Variants in MMP24 observed in about 807,000 individuals in gnomAD.
The protein encoded by MMP24 is matrix metalloproteinase-24.
Under a neutral mutation model 62.8 loss-of-function variants are expected in MMP24, and 25 were observed. The observed-to-expected ratio is 0.40, with a 90% CI of 0.29 to 0.56. The LOEUF (loss-of-function observed/expected upper bound fraction) is 0.56. Ranked by LOEUF, MMP24 falls within the 20% of genes least tolerant of loss-of-function variation. The probability of loss-of-function intolerance (pLI) is 0.50; values close to 1 mark genes in which losing one functional copy is unlikely to be tolerated. For missense variants in MMP24, 634 were observed against 853.6 expected, an observed-to-expected ratio of 0.74 and a Z score of 3.21; for synonymous variants, 319 against 350.5, an observed-to-expected ratio of 0.91 and a Z score of 1.00.
Position 35,274,490 on chromosome 20 carries a change from A to G in MMP24, c.1819A>G (p.Ile607Val), listed in dbSNP as rs763248925. ...PGSVNAVAVV[I>V]PCILSLCILV... is the part of the protein sequence containing the mutation. Reference sequence around the variant, plus strand: ...CTCCGTGAACGCCGTGGCCGTGGTCATCCCCTGCATCCTGTCCCTCTGCAT... The same window carrying G: ...CTCCGTGAACGCCGTGGCCGTGGTCGTCCCCTGCATCCTGTCCCTCTGCAT... The change falls in exon 9 of 9, where the codon ATC becomes GTC. Residue 607 changes from isoleucine to valine, a missense_variant. Ile to Val is a conservative substitution (Grantham distance 29). Around this residue, in one of 3 missense-constraint regions of MMP24, gnomAD observed 399 missense variants for 530.8 expected, o/e 0.75. Coordinates refer to ENST00000246186, the MANE Select transcript of MMP24 (RefSeq NM_006690.4). The surrounding 1 kb of genome is among the most constrained non-coding windows in gnomAD (Gnocchi z 5.1). 6 of 1,614,028 alleles carry G rather than the reference A, an allele frequency of 3.7e-6. No individual in the cohort carries two copies. The highest frequency in any genetic ancestry group is 4.2e-6 in the Non-Finnish European group (5 of 1,179,878).
intron 4 of MMP24, among the ~76,000 whole-genome samples, chr20:35,259,344 T>G (rs1478708752): frequency 6.6e-6 from 1 of 152,198 alleles, no homozygotes; most frequent in Non-Finnish European, 1.5e-5. Context: ...ACGGTGCTTT[T>G]GGCGCTGTTC....
At chr20:35,227,284 A>G (rs1568606881) in intron 1 of MMP24, among the ~76,000 whole-genome samples, 4 of 151,276 alleles carry the variant, frequency 2.6e-5, no homozygotes, top group Admixed American at 1.3e-4. Flanking sequence ...CTGCATGACT[A>G]TGTGCGAGGG....
intron 4 of MMP24, among the ~76,000 whole-genome samples, chr20:35,259,960 T>A (rs1260510977): frequency 6.6e-6 from 1 of 152,188 alleles, no homozygotes; most frequent in East Asian, 1.9e-4. Context: ...GTTCCTTCTA[T>A]CTTCCAGAGG....
rs906759843 is a variant in MMP24, at chr20:35,274,736, A to C, written c.*127A>C. The C allele has an allele frequency of 1.2e-6, 1 of 832,626 alleles. No homozygotes were observed. The highest frequency in any genetic ancestry group is 1.8e-5 in the South Asian group (1 of 55,094). The allele number at this position is 832,626 out of a possible 1,614,324, so 51.6% of individuals were successfully genotyped here. ...GCCCTAGGCTGGGGTCGTACAGCTG[A>C]AGTGGTGGGTGCATTGGCCTAGGCT... On this transcript the variant is annotated 3_prime_UTR_variant, in exon 9 of 9. Transcript: ENST00000246186. The surrounding 1 kb of genome is among the most constrained non-coding windows in gnomAD (Gnocchi z 5.1).
chr20:35,260,656 G>A (rs1434721822), intron 4 of MMP24, among the ~76,000 whole-genome samples: 2 of 152,270 alleles, frequency 1.3e-5, no homozygotes, highest in Non-Finnish European at 2.9e-5. Flanking sequence ...ACCTGAGTAA[G>A]GAGCTGGGGG....
chr20:35,247,048 T>A, intron 2 of MMP24, 60 bp downstream of exon 2: 1 of 1,593,618 alleles, frequency 6.3e-7, no homozygotes, highest in Non-Finnish European at 8.6e-7. Context: ...TGGGTTCACA[T>A]TTGTCATGGC....
chr20:35,252,494 C>T lies in MMP24; in HGVS notation c.512+473C>T, dbSNP rs1490996781. On this transcript the variant is annotated intron_variant, in intron 3 of 8. Transcript: ENST00000246186. ...ATGGCTTAATTCAGTCTCCTTATCA[C>T]TGCCTGCCAAACCCCATTCCCTCTG... is the stretch of plus-strand genomic sequence containing the variant. 2.6e-5 allele frequency among the ~76,000 whole-genome samples: 4 copies of T among 152,240 alleles called. No homozygotes were observed. The East Asian group carries it at 7.7e-4, about 29-fold the overall frequency.
intron 1 of MMP24, among the ~76,000 whole-genome samples, chr20:35,243,444 C>A (rs149674432): frequency 6.6e-5 from 10 of 152,264 alleles, no homozygotes; most frequent in African/African-American, 2.4e-4. Context: ...GTTCCTTATT[C>A]ATCTTTATTT....
chr20:35,269,791 G>A lies in MMP24; in HGVS notation c.1226G>A (p.Arg409Gln), dbSNP rs1438923829. ...TGGTTCTGGCGTCTGCGCAATAACC[G>A]AGTGCAGGAGGGCTACCCCATGCAG... ...DRWFWRLRNN[R>Q]VQEGYPMQIE... is the part of the protein sequence containing the mutation. Residue 409 changes from arginine to glutamine, a missense_variant, in exon 7 of 9, where the codon CGA becomes CAA. Physicochemically the swap from Arg to Gln is conservative, Grantham distance 43. Around this residue, in one of 3 missense-constraint regions of MMP24, gnomAD observed 399 missense variants for 530.8 expected, o/e 0.75. Transcript: ENST00000246186. The surrounding 1 kb of genome is among the most constrained non-coding windows in gnomAD (Gnocchi z 4.6). 16 of 1,571,796 alleles carry A rather than the reference G, an allele frequency of 1.0e-5. No individual in the cohort carries two copies. Among genetic ancestry groups the A allele is most frequent in the South Asian group, 2.4e-5 (2 of 85,056 alleles).
intron 1 of MMP24, chr20:35,236,029 T>C (rs2425020): frequency 0.84 from 127,283 of 152,222 alleles, 53,825 homozygotes; most frequent in East Asian, 1. Flanking sequence ...CTCCTGGGAG[T>C]GGGCCAAGGA....
At chr20:35,235,276 C>T (rs943896267) in intron 1 of MMP24, among the ~76,000 whole-genome samples, 2 of 151,954 alleles carry the variant, frequency 1.3e-5, no homozygotes, top group African/African-American at 4.8e-5. Context: ...TGGTGGCATA[C>T]ACCTACAGTC....
intron 4 of MMP24, among the ~76,000 whole-genome samples, chr20:35,258,794 C>T (rs78229065): frequency 6.6e-6 from 1 of 151,096 alleles, no homozygotes; most frequent in Non-Finnish European, 1.5e-5. Context: ...ACCTGGAGAA[C>T]TTAAAAAAAA....
intron 1 of MMP24, among the ~76,000 whole-genome samples, chr20:35,236,608 C>T (rs1409556454): frequency 1.3e-5 from 2 of 152,074 alleles, no homozygotes; most frequent in Non-Finnish European, 2.9e-5. Context: ...GAGGAGTCAC[C>T]AGAAAGACCC....
chr20:35,246,896 G>A lies in MMP24; in HGVS notation c.303G>A (p.Leu101=), dbSNP rs1322724363. 2 of 1,614,010 alleles carry A rather than the reference G, an allele frequency of 1.2e-6. No homozygotes were observed. The part of the protein sequence containing the change: ...LLPYDSRASA[L]HSAKALQSAV... The stretch of plus-strand genomic sequence containing the variant: ...CCTATGACTCACGGGCATCTGCGCT[G>A]CACTCAGCGAAGGCCTTGCAGTCGG... The change falls in exon 2 of 9, where the codon CTG becomes CTA. Residue 101 remains leucine, a synonymous_variant. Transcript: ENST00000246186.
chr20:35,260,706 G>A (rs1278276999), intron 4 of MMP24, among the ~76,000 whole-genome samples: 1 of 152,260 alleles, frequency 6.6e-6, no homozygotes, highest in African/African-American at 2.4e-5. Context: ...CCAGCCCCAG[G>A]CTTTTGGCCA....
intron 1 of MMP24, among the ~76,000 whole-genome samples, chr20:35,240,014 G>C (rs754723310): frequency 6.6e-6 from 1 of 152,102 alleles, no homozygotes; most frequent in African/African-American, 2.4e-5. Flanking sequence ...GTCCTGGGAG[G>C]GGGAAGGGCT....
Position 35,269,703 on chromosome 20 carries a change from C to T in MMP24, c.1195-57C>T. ...GACCTAAGCCCCACAGCTGCAATCA[C>T]TGGGTTCGGAGGCAGGGCCTGACAC... On this transcript the variant is annotated intron_variant, in intron 6 of 8. Transcript: ENST00000246186. The surrounding 1 kb of genome is among the most constrained non-coding windows in gnomAD (Gnocchi z 4.6). 2 of 1,543,942 alleles carry T rather than the reference C, an allele frequency of 1.3e-6. No homozygotes were observed. Among genetic ancestry groups the T allele is most frequent in the Non-Finnish European group, 1.7e-6 (2 of 1,143,266 alleles).
chr20:35,256,679 ACTGCACTC>A (rs1229004365), intron 4 of MMP24, among the ~76,000 whole-genome samples: 2 of 140,142 alleles, frequency 1.4e-5, no homozygotes, highest in African/African-American at 5.3e-5. Context: ...AGATCATGCC[ACTGCACTC>A]CAGCCTGGGC....
At chr20:35,272,003 A>G (rs2060673097) in intron 8 of MMP24, 168 bp downstream of exon 8, 1 of 746,898 alleles carries the variant, frequency 1.3e-6, no homozygotes, top group African/African-American at 1.8e-5. Flanking sequence ...TAATTCACTT[A>G]CCAGCTGCCA....
Sources: gnomAD v4.1 joint callset for allele counts (sites outside exome capture counted in the v4.1 genomes callset) on GRCh38, gnomAD v4.1.1 for gene constraint, gnomAD v4.1.1 regional missense constraint, Gnocchi (gnomAD v3.1) non-coding constraint, MANE v1.5 for transcripts, NCBI Gene and HGNC (gene_info 2026-07-23, HGNC 2026-07-21) for gene names.